The following DNAJC13 variants were observed in gnomAD, a reference collection of about 807,000 sequenced individuals.
The protein encoded by DNAJC13 is DnaJ heat shock protein family (Hsp40) member C13.
A neutral mutation model predicts 290.5 loss-of-function variants in DNAJC13; 75 were observed. The ratio of observed to expected loss-of-function variants is 0.26; its 90% CI spans 0.21 to 0.31. The LOEUF (loss-of-function observed/expected upper bound fraction) is 0.31, where lower values mean the gene tolerates loss of function less well. Ranked by LOEUF, DNAJC13 falls within the 10% of genes least tolerant of loss-of-function variation. DNAJC13 has a pLI of 1.00. For synonymous variants in DNAJC13, 862 were observed against 892.0 expected, an observed-to-expected ratio of 0.97 and a Z score of 0.60; for missense variants, 2,260 against 2,674.5, an observed-to-expected ratio of 0.85 and a Z score of 3.42.
intron 25 of DNAJC13, 24 bp downstream of exon 25, chr3:132,479,313 A>G (rs1465011038): frequency 1.4e-6 from 2 of 1,469,146 alleles, no homozygotes; most frequent in Admixed American, 1.7e-5. Context: ...GCATACATAC[A>G]TTGTTATTTC....
At chr3:132,495,640 T>G (rs989594244) in intron 35 of DNAJC13, among the ~76,000 whole-genome samples, 8 of 152,138 alleles carry the variant, frequency 5.3e-5, no homozygotes, top group Non-Finnish European at 1.0e-4. Context: ...CATCCAATGA[T>G]GTTTCATAAA....
intron 34 of DNAJC13, 143 bp from the exon 35 acceptor site, chr3:132,494,945 C>A: frequency 2.1e-6 from 1 of 467,424 alleles, no homozygotes. Flanking sequence ...AATCTTAATT[C>A]TTTCTGGGTT....
intron 2 of DNAJC13, among the ~76,000 whole-genome samples, chr3:132,435,032 T>G (rs182633386): frequency 6.6e-6 from 1 of 152,060 alleles, no homozygotes; most frequent in African/African-American, 2.4e-5. Flanking sequence ...AAGTCTAACC[T>G]TTTTTTAGGC....
chr3:132,504,630 A>G (rs565760832), intron 41 of DNAJC13, among the ~76,000 whole-genome samples: 2 of 152,358 alleles, frequency 1.3e-5, no homozygotes, highest in East Asian at 1.9e-4. Context: ...GATGGAGGTC[A>G]TAGTCCTCTG....
chr3:132,440,597 G>A (rs1417656679), intron 2 of DNAJC13, among the ~76,000 whole-genome samples: 2 of 152,232 alleles, frequency 1.3e-5, no homozygotes, highest in East Asian at 1.9e-4. Flanking sequence ...ATTAGGTACA[G>A]TAACGTTGTA....
At position 132,492,595 on chromosome 3, in the gene DNAJC13, G is replaced by A; in HGVS notation, c.3805G>A (p.Asp1269Asn). 6.2e-7 allele frequency: 1 copy of A among 1,613,524 alleles called. No homozygotes were observed. The highest frequency in any genetic ancestry group is 1.7e-5 in the Admixed American group (1 of 59,978). The change falls in exon 33 of 56, where the codon GAT (aspartate) becomes AAT (asparagine). Residue 1269 changes from aspartate (D) to asparagine (N), a missense_variant. Asp to Asn is a conservative substitution (Grantham distance 23). Coordinates refer to ENST00000260818, the MANE Select transcript of DNAJC13 (RefSeq NM_015268.4). ...ACTGTGTGATACACTCCGGTTTCCA[G>A]ATTGGCCAATTAAAGACCCGGTAAG... ...KQLCDTLRFPDWPIKDPVKLL... is the reference protein window; with the variant it reads ...KQLCDTLRFPNWPIKDPVKLL...
chr3:132,466,449 A>G, intron 19 of DNAJC13, 55 bp downstream of exon 19: 2 of 1,382,686 alleles, frequency 1.4e-6, no homozygotes, highest in Non-Finnish European at 1.9e-6. Context: ...ACTGTTATAT[A>G]TATGTCTTTT....
At chr3:132,457,972 C>T (rs1444459552) in intron 13 of DNAJC13, 1 of 152,106 alleles carries the variant, frequency 6.6e-6, no homozygotes, top group Admixed American at 6.5e-5. Flanking sequence ...TTGTAAGGAA[C>T]ACCTGAAGGA....
At position 132,505,361 on chromosome 3, in the gene DNAJC13, A is replaced by G. The variant is rs1174012738; in HGVS notation, c.4944A>G (p.Thr1648=). The G allele has an allele frequency of 5.0e-6, 8 of 1,611,428 alleles. No homozygotes were observed. In the East Asian group the frequency reaches 1.8e-4, roughly 36 times the overall value. The change falls in exon 42 of 56, where the codon ACA becomes ACG. Residue 1648 remains threonine (T), a synonymous_variant. Coordinates refer to ENST00000260818, the MANE Select transcript of DNAJC13 (RefSeq NM_015268.4). ...CATATTTGATATGGAACAATTCTAC[A>G]AGAGCAGAATTACTTGAATTTCTTG... ...ESPYLIWNNS[T]RAELLEFLES...
chr3:132,474,444 G>A (rs1934393661), intron 21 of DNAJC13: 1 of 152,262 alleles, frequency 6.6e-6, no homozygotes, highest in Non-Finnish European at 1.5e-5. Context: ...GTTTCACCAT[G>A]TTGGCCAGGG....
chr3:132,465,872 T>G, intron 17 of DNAJC13, 123 bp from the exon 18 acceptor site: 1 of 593,954 alleles, frequency 1.7e-6, no homozygotes, highest in Non-Finnish European at 3.0e-6. Flanking sequence ...ATTTTTAACA[T>G]CGGAATGATT....
rs1342370169 is a variant in DNAJC13, at chr3:132,523,692, C to T, written c.6039C>T (p.Leu2013=). The change falls in exon 51 of 56, where the codon CTC becomes CTT. Residue 2013 remains leucine, a synonymous_variant. Transcript: ENST00000260818. The part of the protein sequence containing the change: ...LIALLEKLTE[L]LEKNNPHGET... Reference sequence around the variant, plus strand: ...CCCTGTTAGAAAAATTAACTGAGCTCCTAGAGAAGAACAATCCTCATGTAA... The same window carrying T: ...CCCTGTTAGAAAAATTAACTGAGCTTCTAGAGAAGAACAATCCTCATGTAA... The T allele has an allele frequency of 2.5e-6, 4 of 1,613,566 alleles. No individual in the cohort carries two copies. The highest frequency in any genetic ancestry group is 4.5e-5 in the East Asian group (2 of 44,866).
intron 12 of DNAJC13, 47 bp from the exon 13 acceptor site, chr3:132,457,221 TA>T: frequency 7.5e-7 from 1 of 1,338,888 alleles, no homozygotes. Context: ...TATAACAATT[TA>T]AAATGTTCTG....
intron 55 of DNAJC13, among the ~76,000 whole-genome samples, chr3:132,536,266 AGGCCGAATCC>A (rs1936587997): frequency 6.6e-6 from 1 of 152,204 alleles, no homozygotes; most frequent in Non-Finnish European, 1.5e-5. Context: ...CCACATGGAC[AGGCCGAATCC>A]GCTACTCAGT....
In DNAJC13 at chr3:132,507,441, C is replaced by T. The variant is rs143599513; in HGVS notation, c.5115+88C>T. On this transcript the variant is annotated intron_variant, in intron 43 of 55. Coordinates refer to ENST00000260818, the MANE Select transcript of DNAJC13 (RefSeq NM_015268.4). ...TTTATTCACACTTTATAGAGGCACA[C>T]TTCATTTTATTGCACTTTCTTTACT... The T allele has an allele frequency of 1.6e-4, 126 of 770,162 alleles. No homozygotes were observed. The African/African-American group carries it at 2.1e-3, about 13-fold the overall frequency. 47.7% of individuals were successfully genotyped at this position (770,162 alleles called of 1,614,324 possible).
intron 15 of DNAJC13, among the ~76,000 whole-genome samples, chr3:132,461,977 C>G (rs1161568694): frequency 6.6e-6 from 1 of 152,080 alleles, no homozygotes. Flanking sequence ...ACAAACATGA[C>G]CCACCACACC....
intron 55 of DNAJC13, among the ~76,000 whole-genome samples, chr3:132,536,709 C>T (rs1936602402): frequency 1.3e-5 from 2 of 152,126 alleles, no homozygotes; most frequent in Non-Finnish European, 2.9e-5. Flanking sequence ...GAAATGATCA[C>T]AGGGTGCTGC....
At chr3:132,434,702 T>C (rs1939334853) in intron 2 of DNAJC13, 84 bp downstream of exon 2, 1 of 1,110,458 alleles carries the variant, frequency 9.0e-7, no homozygotes, top group Non-Finnish European at 1.3e-6. Flanking sequence ...TGAATAATAC[T>C]GCACAACTCA....
intron 1 of DNAJC13, among the ~76,000 whole-genome samples, chr3:132,433,280 G>A (rs1340247396): frequency 1.3e-5 from 2 of 152,152 alleles, no homozygotes; most frequent in African/African-American, 4.8e-5. Context: ...CACTCAGGCT[G>A]GAGTACAGTG....
Sources: allele counts gnomAD v4.1 joint callset (sites outside exome capture counted in the v4.1 genomes callset), GRCh38; gene constraint gnomAD v4.1.1; transcripts MANE v1.5; gene names NCBI Gene and HGNC (gene_info 2026-07-23, HGNC 2026-07-21).